Variants in ZFHX3 observed in about 807,000 individuals in gnomAD.
ZFHX3 encodes the protein zinc finger homeobox 3.
A neutral mutation model predicts 279.1 loss-of-function variants in ZFHX3; 42 were observed. That is an observed-to-expected ratio of 0.15 (90% confidence interval 0.12 to 0.19). ZFHX3 has a LOEUF of 0.19. Ranked by LOEUF, ZFHX3 falls within the 10% of genes least tolerant of loss-of-function variation. The pLI, the probability that ZFHX3 is intolerant of heterozygous loss-of-function variation, is 1.00. For synonymous variants in ZFHX3, 2,293 were observed against 1,957.8 expected, an observed-to-expected ratio of 1.17 and a Z score of -4.52; for missense variants, 4,981 against 4,754.0, an observed-to-expected ratio of 1.05 and a Z score of -1.40.
intron 4 of ZFHX3, among the ~76,000 whole-genome samples, chr16:73,289,294 A>C (rs989061658): frequency 1.3e-5 from 2 of 151,772 alleles, no homozygotes; most frequent in Non-Finnish European, 1.5e-5. Context: ...AACTCATTAT[A>C]TGTGTGTGTT....
chr16:73,814,099 A>G (rs1960497337), intron 1 of ZFHX3, among the ~76,000 whole-genome samples: 1 of 152,188 alleles, frequency 6.6e-6, no homozygotes. Flanking sequence ...AATGTATATA[A>G]TTGCAGAGAG....
intron 2 of ZFHX3, among the ~76,000 whole-genome samples, chr16:73,640,520 T>C (rs2052564283): frequency 6.6e-6 from 1 of 152,120 alleles, no homozygotes; most frequent in Non-Finnish European, 1.5e-5. Flanking sequence ...CAGAGGACAT[T>C]GCCTCTAGAA....
chr16:73,690,137 G>T (rs139850138), intron 1 of ZFHX3, among the ~76,000 whole-genome samples: 5 of 152,056 alleles, frequency 3.3e-5, no homozygotes, highest in Non-Finnish European at 5.9e-5. Flanking sequence ...GACTGATCTC[G>T]AACTCCTGAC....
intron 1 of ZFHX3, among the ~76,000 whole-genome samples, chr16:72,968,366 C>A (rs1421923075): frequency 6.6e-6 from 1 of 151,900 alleles, no homozygotes; most frequent in African/African-American, 2.4e-5. Flanking sequence ...AATCTGGGAT[C>A]TTCTTTTCCT....
At chr16:73,234,498 T>C (rs1393671947) in intron 5 of ZFHX3, among the ~76,000 whole-genome samples, 3 of 152,204 alleles carry the variant, frequency 2.0e-5, no homozygotes, top group Non-Finnish European at 4.4e-5. Flanking sequence ...GGGGCTGTAA[T>C]GAAAACAAAT....
intron 4 of ZFHX3, among the ~76,000 whole-genome samples, chr16:72,859,988 T>C (rs1203197902): frequency 1.3e-5 from 2 of 152,202 alleles, no homozygotes; most frequent in Non-Finnish European, 2.9e-5. Context: ...AAGGACACTA[T>C]GCAGGCATCT....
chr16:73,359,337 G>A (rs968470985), intron 3 of ZFHX3, among the ~76,000 whole-genome samples: 9 of 152,138 alleles, frequency 5.9e-5, no homozygotes, highest in African/African-American at 2.2e-4. Context: ...TAGGGACACA[G>A]GGGTGAATAA....
intron 3 of ZFHX3, among the ~76,000 whole-genome samples, chr16:73,452,072 G>A (rs1301921521): frequency 6.6e-6 from 1 of 152,184 alleles, no homozygotes; most frequent in Non-Finnish European, 1.5e-5. Flanking sequence ...AAACACATGG[G>A]AATCAGTGGG....
chr16:73,797,787 T>C (rs541583545), intron 1 of ZFHX3, among the ~76,000 whole-genome samples: 1 of 150,122 alleles, frequency 6.7e-6, no homozygotes, highest in African/African-American at 2.4e-5. Context: ...TGCTTATGTA[T>C]AGGACAAGCC....
intron 1 of ZFHX3, among the ~76,000 whole-genome samples, chr16:73,728,815 AC>A (rs1332603547): frequency 4.1e-5 from 1 of 24,604 alleles, no homozygotes; most frequent in Non-Finnish European, 1.1e-4. Flanking sequence ...AACCCCCTAC[AC>A]ACACACACAC....
chr16:72,966,270 C>T (rs1900407390), intron 1 of ZFHX3, among the ~76,000 whole-genome samples: 1 of 152,212 alleles, frequency 6.6e-6, no homozygotes, highest in African/African-American at 2.4e-5. Flanking sequence ...GGAAAAAAAT[C>T]TCCATGAGTT....
intron 5 of ZFHX3, among the ~76,000 whole-genome samples, chr16:73,151,137 T>C (rs890933805): frequency 1.3e-5 from 2 of 152,182 alleles, no homozygotes; most frequent in African/African-American, 4.8e-5. Flanking sequence ...CAAAAATTCA[T>C]AGAGACAGAA....
intron 1 of ZFHX3, among the ~76,000 whole-genome samples, chr16:73,742,500 T>C (rs530131942): frequency 6.6e-6 from 1 of 152,194 alleles, no homozygotes; most frequent in Non-Finnish European, 1.5e-5. Context: ...TTAATATTAG[T>C]CCAGGGCAAA....
intron 2 of ZFHX3, among the ~76,000 whole-genome samples, chr16:73,598,657 C>G (rs978526244): frequency 6.6e-6 from 1 of 152,068 alleles, no homozygotes; most frequent in Non-Finnish European, 1.5e-5. Flanking sequence ...TGAGCTCAAG[C>G]AATCTTCCCA....
At chr16:73,727,443 A>G (rs947939231) in intron 1 of ZFHX3, among the ~76,000 whole-genome samples, 2 of 152,188 alleles carry the variant, frequency 1.3e-5, no homozygotes, top group African/African-American at 4.8e-5. Context: ...CCCAACATCT[A>G]CCCTAAACAG....
At chr16:72,910,074 C>G (rs561641930) in intron 3 of ZFHX3, among the ~76,000 whole-genome samples, 77 of 152,210 alleles carry the variant, frequency 5.1e-4, no homozygotes, top group African/African-American at 1.8e-3. Flanking sequence ...TGCTCAGTCA[C>G]AGGGCACTGG....
At chr16:73,641,957 C>A (rs1313746944) in intron 2 of ZFHX3, among the ~76,000 whole-genome samples, 1 of 152,024 alleles carries the variant, frequency 6.6e-6, no homozygotes, top group Non-Finnish European at 1.5e-5. Flanking sequence ...GAGCTCTGGG[C>A]AGGGATGGAG....
chr16:73,627,684 C>T (rs550067677), intron 2 of ZFHX3, among the ~76,000 whole-genome samples: 5 of 152,136 alleles, frequency 3.3e-5, no homozygotes, highest in South Asian at 2.1e-4. Context: ...TATGGGAGGC[C>T]GAGGCAGGTG....
At chr16:73,788,539 T>C (rs1421126815) in intron 1 of ZFHX3, among the ~76,000 whole-genome samples, 1 of 152,174 alleles carries the variant, frequency 6.6e-6, no homozygotes, top group African/African-American at 2.4e-5. Context: ...GTTGTATGTC[T>C]GCTCTGCCCA....
Sources: allele counts gnomAD v4.1 joint callset (sites outside exome capture counted in the v4.1 genomes callset), GRCh38; gene constraint gnomAD v4.1.1; transcripts MANE v1.5; gene names NCBI Gene and HGNC (gene_info 2026-07-23, HGNC 2026-07-21).